RBM26: variants seen among roughly 807,000 people sequenced by gnomAD.
RBM26 encodes RNA binding motif protein 26.
A neutral mutation model predicts 123.6 loss-of-function variants in RBM26; 30 were observed. The ratio of observed to expected loss-of-function variants is 0.24; its 90% CI spans 0.18 to 0.33. The LOEUF (loss-of-function observed/expected upper bound fraction) is 0.33, where lower values mean the gene tolerates loss of function less well. Among genes scored for constraint, RBM26 ranks in the 10% least tolerant of loss-of-function variants. The pLI, the probability that RBM26 is intolerant of heterozygous loss-of-function variation, is 1.00. For synonymous variants in RBM26, 400 were observed against 404.4 expected (o/e 0.99, Z 0.13); for missense variants, 947 against 1,203.6 (o/e 0.79, Z 3.15).
At chr13:79,386,941 T>A (rs1318785399) in intron 1 of RBM26, among the ~76,000 whole-genome samples, 1 of 152,206 alleles carries the variant, frequency 6.6e-6, no homozygotes, top group African/African-American at 2.4e-5. Flanking sequence ...CTGAGTCGAT[T>A]AAGCCTTTAA....
intron 1 of RBM26, among the ~76,000 whole-genome samples, chr13:79,394,549 C>T (rs554635147): frequency 6.6e-5 from 10 of 152,292 alleles, no homozygotes; most frequent in South Asian, 6.2e-4. Context: ...TTCTCTATTC[C>T]GTGCCTTTCT....
downstream of RBM26, among the ~76,000 whole-genome samples, chr13:79,317,371 GA>G (rs1264438226): frequency 6.6e-6 from 1 of 151,566 alleles, no homozygotes; most frequent in Admixed American, 6.6e-5. Flanking sequence ...TAGTACCAAG[GA>G]AACTATAGAT....
intron 20 of RBM26, among the ~76,000 whole-genome samples, chr13:79,331,295 C>T (rs538514168): frequency 5.3e-5 from 8 of 152,046 alleles, no homozygotes; most frequent in East Asian, 3.9e-4. Flanking sequence ...TGAGCCACTG[C>T]GCCTGGCCCC....
intron 21 of RBM26, 121 bp downstream of exon 21, chr13:79,322,228 C>T (rs903422427): frequency 5.4e-6 from 3 of 558,930 alleles, no homozygotes; most frequent in Non-Finnish European, 9.1e-6. Context: ...CTGATATCCC[C>T]TGCCTGGACT....
intron 1 of RBM26, among the ~76,000 whole-genome samples, chr13:79,391,283 C>T (rs1380311566): frequency 6.6e-6 from 1 of 152,202 alleles, no homozygotes; most frequent in Admixed American, 6.5e-5. Context: ...GTAAGCACAA[C>T]TAGTGATAGC....
At chr13:79,346,538 A>G (rs2072363875) in intron 14 of RBM26, among the ~76,000 whole-genome samples, 1 of 151,932 alleles carries the variant, frequency 6.6e-6, no homozygotes, top group Non-Finnish European at 1.5e-5. Context: ...ACACCCGGCT[A>G]ATGTTTTGTA....
intron 20 of RBM26, among the ~76,000 whole-genome samples, chr13:79,322,978 A>G (rs1363200832): frequency 6.6e-6 from 1 of 151,492 alleles, no homozygotes; most frequent in Middle Eastern, 3.2e-3. Flanking sequence ...TTATTTTCAA[A>G]TTACATCAAA....
chr13:79,338,291 C>T (rs553165550), intron 18 of RBM26, among the ~76,000 whole-genome samples: 41 of 152,130 alleles, frequency 2.7e-4, no homozygotes, highest in Non-Finnish European at 4.3e-4. Context: ...CTTTAAGATT[C>T]GAAAAGAACT....
At chr13:79,346,034 A>AT (rs745618499) in intron 14 of RBM26, among the ~76,000 whole-genome samples, 2 of 152,162 alleles carry the variant, frequency 1.3e-5, no homozygotes, top group Non-Finnish European at 2.9e-5. Context: ...AAGGAAAAAC[A>AT]TTGTTTTCTC....
intron 5 of RBM26, among the ~76,000 whole-genome samples, chr13:79,370,307 C>T (rs1016991144): frequency 6.6e-6 from 1 of 152,124 alleles, no homozygotes; most frequent in African/African-American, 2.4e-5. Flanking sequence ...CAGAGCAATA[C>T]TCTGTCACAA....
chr13:79,337,417 C>T, intron 18 of RBM26, 115 bp from the exon 19 acceptor site: 2 of 1,176,316 alleles, frequency 1.7e-6, no homozygotes, highest in Admixed American at 2.2e-5. Context: ...TATTCAAATG[C>T]CCTATAAAAG....
chr13:79,363,969 A>C (rs9545085), intron 9 of RBM26, among the ~76,000 whole-genome samples: 1 of 152,024 alleles, frequency 6.6e-6, no homozygotes, highest in South Asian at 2.1e-4. Flanking sequence ...TACATGCTAA[A>C]TAGTTATCCA....
chr13:79,387,906 T>C (rs2077623693), intron 1 of RBM26, among the ~76,000 whole-genome samples: 1 of 152,208 alleles, frequency 6.6e-6, no homozygotes, highest in South Asian at 2.1e-4. Context: ...CTACCACTGT[T>C]ACATAGCAAC....
intron 13 of RBM26, among the ~76,000 whole-genome samples, chr13:79,353,960 G>A (rs748998316): frequency 2.6e-5 from 4 of 152,284 alleles, no homozygotes; most frequent in African/African-American, 7.2e-5. Flanking sequence ...TTATGAGAGA[G>A]CAGTCTAAGT....
chr13:79,333,460 T>TCACTACAAATC (rs1393586777), intron 20 of RBM26, among the ~76,000 whole-genome samples: 2 of 152,254 alleles, frequency 1.3e-5, no homozygotes, highest in African/African-American at 4.8e-5. Context: ...CAGAGAACAT[T>TCACTACAAATC]CACTACAAAG....
At chr13:79,362,774 C>A (rs534168755) in intron 9 of RBM26, among the ~76,000 whole-genome samples, 5 of 152,260 alleles carry the variant, frequency 3.3e-5, no homozygotes, top group African/African-American at 1.2e-4. Context: ...ATGTGTTTTG[C>A]CTCCAGTAAT....
At chr13:79,378,977 G>T (rs541489778) in intron 1 of RBM26, 70 bp from the exon 2 acceptor site, 2 of 901,648 alleles carry the variant, frequency 2.2e-6, no homozygotes, top group East Asian at 2.4e-5. Context: ...GTTACAAACT[G>T]AATTAGTGAG....
rs142466383 is a variant in RBM26, at chr13:79,393,194, T to C, written c.71+12510A>G. On this transcript the variant is annotated intron_variant, in intron 1 of 21. Transcript: ENST00000438737. ...CCCTCTGAGGCATTCTTGGGTGGGT[T>C]ACCATTCAAAAGACAAGGAAAGGAG... Among the ~76,000 whole-genome samples, 478 of 152,296 alleles carry C rather than the reference T, an allele frequency of 3.1e-3. 4 individuals are homozygous for C. The highest frequency in any genetic ancestry group is 0.031 in the Middle Eastern group (9 of 294).
chr13:79,341,274 G>C lies in RBM26; in HGVS notation c.2428-47C>G, dbSNP rs771122669. ...TTTAGGTGACAGTAATTACTATCCT[G>C]TATTGATACAAACCTTTTTAAAGTA... On this transcript the variant is annotated intron_variant, in intron 17 of 21. Coordinates refer to ENST00000438737, the MANE Select transcript of RBM26 (RefSeq NM_001366735.2). The C allele has an allele frequency of 6.7e-6, 8 of 1,199,090 alleles. No individual in the cohort carries two copies. In the East Asian group the frequency reaches 1.7e-4, roughly 25 times the overall value. 74.3% of individuals were successfully genotyped at this position (1,199,090 alleles called of 1,614,324 possible).
Sources: gnomAD v4.1 joint callset for allele counts (sites outside exome capture counted in the v4.1 genomes callset) on GRCh38, gnomAD v4.1.1 for gene constraint, MANE v1.5 for transcripts, NCBI Gene and HGNC (gene_info 2026-07-23, HGNC 2026-07-21) for gene names.